Variants in NDST4 observed in about 807,000 individuals in gnomAD.
NDST4 encodes the protein N-deacetylase and N-sulfotransferase 4, also known as N-heparan sulfate sulfotransferase 4.
NDST4 carries 63 observed loss-of-function variants against 100.8 expected under a neutral mutation model. The ratio of observed to expected loss-of-function variants is 0.62; its 90% CI spans 0.51 to 0.77. NDST4 has a LOEUF of 0.77. NDST4 is among the 30% of genes least tolerant of loss of function. NDST4 has a pLI of 0.00. For missense variants in NDST4, 943 were observed against 1,018.4 expected (o/e 0.93, Z 1.01); for synonymous variants, 377 against 361.8 (o/e 1.04, Z -0.48).
intron 1 of NDST4, among the ~76,000 whole-genome samples, chr4:115,092,746 A>G (rs891806524): frequency 1.1e-4 from 17 of 152,294 alleles, no homozygotes; most frequent in African/African-American, 3.8e-4. Context: ...CATCAAAACT[A>G]GTAGTGGAGA....
At chr4:114,982,888 G>A (rs567658452) in intron 2 of NDST4, among the ~76,000 whole-genome samples, 1 of 152,142 alleles carries the variant, frequency 6.6e-6, no homozygotes, top group Non-Finnish European at 1.5e-5. Flanking sequence ...GGGATATGGT[G>A]CCCTGCATCC....
At chr4:114,967,407 G>C (rs1726407276) in intron 4 of NDST4, among the ~76,000 whole-genome samples, 1 of 152,086 alleles carries the variant, frequency 6.6e-6, no homozygotes, top group African/African-American at 2.4e-5. Context: ...ACTCTGAATG[G>C]ACTCTAAATA....
intron 6 of NDST4, among the ~76,000 whole-genome samples, chr4:114,876,754 T>A (rs1456571719): frequency 2.0e-5 from 3 of 152,206 alleles, no homozygotes; most frequent in Admixed American, 6.5e-5. Context: ...TACATCATTT[T>A]GTTTTTCTAA....
At chr4:114,879,662 A>G (rs1724325786) in intron 6 of NDST4, among the ~76,000 whole-genome samples, 1 of 152,184 alleles carries the variant, frequency 6.6e-6, no homozygotes, top group African/African-American at 2.4e-5. Context: ...CCTGGCACAT[A>G]ATAGGTATGC....
At chr4:115,100,102 G>T (rs1729700187) in intron 1 of NDST4, among the ~76,000 whole-genome samples, 1 of 151,966 alleles carries the variant, frequency 6.6e-6, no homozygotes, top group Non-Finnish European at 1.5e-5. Context: ...ATGAAATTCT[G>T]GAAAAGGCAA....
At chr4:115,035,185 T>C (rs6828951) in intron 2 of NDST4, among the ~76,000 whole-genome samples, 5,966 of 152,218 alleles carry the variant, frequency 0.039, 425 homozygotes, top group African/African-American at 0.14. Context: ...TTTAATGTCA[T>C]CCTATTAAGT....
At chr4:115,008,525 T>C (rs6850601) in intron 2 of NDST4, among the ~76,000 whole-genome samples, 100,732 of 126,216 alleles carry the variant, frequency 0.8, 45,594 homozygotes, top group African/African-American at 0.87. Context: ...TAGGTATTGA[T>C]GGGACATATC....
intron 1 of NDST4, among the ~76,000 whole-genome samples, chr4:115,094,011 C>A (rs920702444): frequency 6.6e-6 from 1 of 151,740 alleles, no homozygotes; most frequent in African/African-American, 2.4e-5. Context: ...AACAGCTAAT[C>A]AATTTGACAA....
At chr4:115,111,512 T>G (rs542645082) in intron 1 of NDST4, among the ~76,000 whole-genome samples, 62 of 151,618 alleles carry the variant, frequency 4.1e-4, no homozygotes, top group Non-Finnish European at 5.6e-4. Context: ...AATTACACAT[T>G]TCTTAAATAA....
chr4:114,892,886 T>C (rs1269661402), intron 6 of NDST4, among the ~76,000 whole-genome samples: 1 of 151,694 alleles, frequency 6.6e-6, no homozygotes, highest in Non-Finnish European at 1.5e-5. Context: ...ACTCATTCTC[T>C]AAGTTCCTTC....
chr4:114,832,550 T>C (rs1362426765), intron 12 of NDST4, among the ~76,000 whole-genome samples: 4 of 152,198 alleles, frequency 2.6e-5, no homozygotes, highest in African/African-American at 9.7e-5. Context: ...CATTTTTAAT[T>C]ATAAAAATAT....
intron 2 of NDST4, among the ~76,000 whole-genome samples, chr4:115,012,299 T>C (rs747173102): frequency 2.6e-5 from 4 of 152,010 alleles, no homozygotes; most frequent in Admixed American, 6.6e-5. Flanking sequence ...ATCACTGATA[T>C]ATGGGAGCTT....
chr4:114,957,308 C>A (rs748437862), intron 4 of NDST4, among the ~76,000 whole-genome samples: 9 of 152,134 alleles, frequency 5.9e-5, no homozygotes, highest in Non-Finnish European at 1.3e-4. Flanking sequence ...AAAGGAGAAG[C>A]AAAGTCACAT....
intron 3 of NDST4, among the ~76,000 whole-genome samples, chr4:114,973,152 A>G (rs1202550087): frequency 6.6e-6 from 1 of 152,090 alleles, no homozygotes; most frequent in South Asian, 2.1e-4. Context: ...CAACTAGATG[A>G]AAGTATTACA....
intron 10 of NDST4, among the ~76,000 whole-genome samples, chr4:114,843,330 T>C (rs970008436): frequency 1.3e-5 from 2 of 152,186 alleles, no homozygotes; most frequent in African/African-American, 4.8e-5. Flanking sequence ...AGCCATTCTT[T>C]CCTGTATCTC....
At chr4:115,064,551 T>C (rs1008228270) in intron 2 of NDST4, among the ~76,000 whole-genome samples, 1 of 152,036 alleles carries the variant, frequency 6.6e-6, no homozygotes, top group African/African-American at 2.4e-5. Flanking sequence ...AAATTCCAGA[T>C]AAATATTGTA....
chr4:115,025,513 T>A (rs1418679170), intron 2 of NDST4, among the ~76,000 whole-genome samples: 1 of 152,162 alleles, frequency 6.6e-6, no homozygotes, highest in Non-Finnish European at 1.5e-5. Flanking sequence ...TGAGAGTTCC[T>A]GATAGAATTT....
At chr4:114,889,800 A>G (rs1203938257) in intron 6 of NDST4, among the ~76,000 whole-genome samples, 1 of 152,126 alleles carries the variant, frequency 6.6e-6, no homozygotes, top group Non-Finnish European at 1.5e-5. Context: ...TCGTTTTCTA[A>G]CTGTTGGCTA....
At chr4:115,015,573 T>A (rs1048522971) in intron 2 of NDST4, among the ~76,000 whole-genome samples, 3 of 152,108 alleles carry the variant, frequency 2.0e-5, no homozygotes, top group African/African-American at 7.2e-5. Flanking sequence ...AGTACGTGCA[T>A]AATTCTGTCT....
Sources: allele counts gnomAD v4.1 joint callset (sites outside exome capture counted in the v4.1 genomes callset), GRCh38; gene constraint gnomAD v4.1.1; transcripts MANE v1.5; gene names NCBI Gene and HGNC (gene_info 2026-07-23, HGNC 2026-07-21).